Variants in IQGAP2 observed in about 807,000 individuals in gnomAD.
The protein encoded by IQGAP2 is IQ motif containing GTPase activating protein 2, also known as ras GTPase-activating-like protein IQGAP2.
IQGAP2 carries 173 observed loss-of-function variants against 201.3 expected under a neutral mutation model. The ratio of observed to expected loss-of-function variants is 0.86; its 90% CI spans 0.76 to 0.98. The LOEUF is 0.98. IQGAP2 is among the 50% of genes least tolerant of loss of function. The pLI is 0.00. For missense variants in IQGAP2, 1,687 were observed against 1,864.8 expected (o/e 0.90, Z 1.76); for synonymous variants, 675 against 673.9 (o/e 1.00, Z -0.03).
At chr5:76,571,126 T>C (rs1745086215) in intron 4 of IQGAP2, among the ~76,000 whole-genome samples, 1 of 151,920 alleles carries the variant, frequency 6.6e-6, no homozygotes, top group Admixed American at 6.6e-5. Context: ...GAAATCTCAT[T>C]GTATTAGTAT....
chr5:76,687,636 C>T (rs987779553), intron 30 of IQGAP2, among the ~76,000 whole-genome samples: 7 of 152,280 alleles, frequency 4.6e-5, no homozygotes, highest in East Asian at 1.9e-4. Flanking sequence ...ACCTGAGCTC[C>T]ACCTCCTGTC....
chr5:76,693,528 G>T, intron 31 of IQGAP2, 86 bp downstream of exon 31: 2 of 885,236 alleles, frequency 2.3e-6, no homozygotes, highest in Non-Finnish European at 3.6e-6. Context: ...TTATCTCAGA[G>T]AAACTGTATC....
At chr5:76,438,762 G>A (rs1752864754) in intron 1 of IQGAP2, among the ~76,000 whole-genome samples, 2 of 152,066 alleles carry the variant, frequency 1.3e-5, no homozygotes, top group African/African-American at 4.8e-5. Context: ...ATTTCTAATT[G>A]AGTTTGTTTG....
intron 35 of IQGAP2, among the ~76,000 whole-genome samples, chr5:76,704,318 T>C (rs1747688521): frequency 6.6e-6 from 1 of 152,202 alleles, no homozygotes; most frequent in African/African-American, 2.4e-5. Context: ...GGCCAGTCAA[T>C]ATCAACTGGA....
At chr5:76,689,171 T>C (rs903236147) in intron 30 of IQGAP2, among the ~76,000 whole-genome samples, 6 of 131,400 alleles carry the variant, frequency 4.6e-5, no homozygotes, top group Admixed American at 1.8e-4. Flanking sequence ...GTTTATAGAA[T>C]AGAGAACCTC....
chr5:76,426,047 C>T (rs1051994500), intron 1 of IQGAP2, among the ~76,000 whole-genome samples: 4 of 152,140 alleles, frequency 2.6e-5, no homozygotes, highest in Admixed American at 1.3e-4. Context: ...TGTGTTTGCG[C>T]AGTTCTGGGT....
At position 76,665,073 on chromosome 5, in the gene IQGAP2, A is replaced by C. The variant is rs1325035479; in HGVS notation, c.2577A>C (p.Glu859Asp). The change falls in exon 22 of 36, where the codon GAA becomes GAC. Residue 859 changes from glutamate (E) to aspartate (D), a missense_variant. Transcript: ENST00000274364. ...AGCTGAACAAGAAAAAAGGAGGAGA[A>C]ATGGAAATACTGAATAACACCGACA... is the stretch of plus-strand genomic sequence containing the variant. Reference protein sequence around the residue: ...SKKLNKKKGGEMEILNNTDNQ... With the variant: ...SKKLNKKKGGDMEILNNTDNQ... 1.2e-6 allele frequency: 2 copies of C among 1,600,234 alleles called. No homozygotes were observed. The highest frequency in any genetic ancestry group is 1.7e-6 in the Non-Finnish European group (2 of 1,167,516).
At chr5:76,460,469 A>T (rs752179172) in intron 1 of IQGAP2, among the ~76,000 whole-genome samples, 5 of 152,008 alleles carry the variant, frequency 3.3e-5, no homozygotes, top group Non-Finnish European at 5.9e-5. Flanking sequence ...TTGAGAGGGG[A>T]AGTAATAAGG....
chr5:76,705,360 A>T (rs1359454392), intron 35 of IQGAP2, among the ~76,000 whole-genome samples: 1 of 152,208 alleles, frequency 6.6e-6, no homozygotes, highest in Non-Finnish European at 1.5e-5. Flanking sequence ...CACACAGGGA[A>T]ACAGAACTTC....
chr5:76,551,961 G>A (rs1013258959), intron 2 of IQGAP2, among the ~76,000 whole-genome samples: 2 of 151,922 alleles, frequency 1.3e-5, no homozygotes, highest in African/African-American at 4.8e-5. Flanking sequence ...CCTTGCTTTT[G>A]AGGCCTTGGA....
intron 15 of IQGAP2, among the ~76,000 whole-genome samples, chr5:76,635,196 T>C (rs1251420323): frequency 6.6e-6 from 1 of 152,214 alleles, no homozygotes. Flanking sequence ...AAACTTAGTT[T>C]ATCTTCTCTC....
chr5:76,613,837 G>T (rs6453233), intron 13 of IQGAP2, among the ~76,000 whole-genome samples: 1 of 151,870 alleles, frequency 6.6e-6, no homozygotes, highest in African/African-American at 2.4e-5. Flanking sequence ...AGGGACTACA[G>T]GCACCTGCCA....
At chr5:76,512,518 G>A (rs1758031605) in intron 2 of IQGAP2, among the ~76,000 whole-genome samples, 1 of 152,126 alleles carries the variant, frequency 6.6e-6, no homozygotes, top group African/African-American at 2.4e-5. Context: ...GCTTATTGGT[G>A]TCAGTCTGTA....
intron 1 of IQGAP2, among the ~76,000 whole-genome samples, chr5:76,424,425 A>G (rs1470502853): frequency 6.6e-6 from 1 of 152,118 alleles, no homozygotes; most frequent in African/African-American, 2.4e-5. Flanking sequence ...CTCCTGCCTC[A>G]GCCTCCTAAG....
intron 13 of IQGAP2, chr5:76,615,968 G>A (rs1477557750): frequency 6.6e-6 from 1 of 152,552 alleles, no homozygotes; most frequent in Non-Finnish European, 1.5e-5. Flanking sequence ...CTTTCCTGCT[G>A]TTTAACTGCT....
intron 2 of IQGAP2, among the ~76,000 whole-genome samples, chr5:76,503,914 C>A (rs895248934): frequency 5.3e-5 from 8 of 152,146 alleles, no homozygotes; most frequent in Non-Finnish European, 1.0e-4. Flanking sequence ...TTCTTTTAGG[C>A]CAGACAGATA....
At chr5:76,616,091 C>A (rs573977751) in intron 13 of IQGAP2, 1 of 152,644 alleles carries the variant, frequency 6.6e-6, no homozygotes, top group East Asian at 1.9e-4. Context: ...AGGATGAGCA[C>A]CTTCTCCATT....
chr5:76,590,493 G>A lies in IQGAP2; in HGVS notation c.726G>A (p.Ala242=), dbSNP rs774632080. 41 of 1,613,670 alleles carry A rather than the reference G, an allele frequency of 2.5e-5. No homozygotes were observed. Among genetic ancestry groups the A allele is most frequent in the Admixed American group, 2.0e-4 (12 of 59,962 alleles). ...TTGTAACACTAAGAAACCCAAATGC[G>A]GTTTTAACTTTAGTGGATGACAACC... ...QTVVTLRNPN[A]VLTLVDDNLA... is the part of the protein sequence containing the mutation. The change falls in exon 8 of 36, where the codon GCG becomes GCA. Residue 242 remains alanine, a synonymous_variant. Transcript: ENST00000274364.
chr5:76,519,212 C>T (rs1163551931), intron 2 of IQGAP2, among the ~76,000 whole-genome samples: 1 of 152,208 alleles, frequency 6.6e-6, no homozygotes, highest in African/African-American at 2.4e-5. Context: ...TGCTACTTCT[C>T]AGTAATTAAG....
Sources: gnomAD v4.1 joint callset for allele counts (sites outside exome capture counted in the v4.1 genomes callset) on GRCh38, gnomAD v4.1.1 for gene constraint, MANE v1.5 for transcripts, NCBI Gene and HGNC (gene_info 2026-07-23, HGNC 2026-07-21) for gene names.